DACH1: variants seen among roughly 807,000 people sequenced by gnomAD.
DACH1 encodes the protein dachshund homolog 1.
DACH1 carries 12 observed loss-of-function variants against 54.2 expected under a neutral mutation model. That is an observed-to-expected ratio of 0.22 (90% CI 0.14 to 0.36). DACH1 has a LOEUF of 0.36. DACH1 is among the 10% of genes least tolerant of loss of function. The pLI is 1.00. For missense variants in DACH1, 805 were observed against 929.8 expected (o/e 0.87, Z 1.75); for synonymous variants, 386 against 366.2 (o/e 1.05, Z -0.62).
At chr13:71,841,427 A>G (rs933929432) in intron 1 of DACH1, among the ~76,000 whole-genome samples, 2 of 152,164 alleles carry the variant, frequency 1.3e-5, no homozygotes, top group African/African-American at 2.4e-5. Context: ...TAAGGAATAA[A>G]TTCCTTATTT....
chr13:71,442,795 GATA>G (rs1002963616), intron 10 of DACH1, among the ~76,000 whole-genome samples: 2 of 151,844 alleles, frequency 1.3e-5, no homozygotes, highest in Non-Finnish European at 2.9e-5. Context: ...TAGCTACATG[GATA>G]ATAATAGAAC....
At chr13:71,613,949 A>T (rs901833851) in intron 3 of DACH1, among the ~76,000 whole-genome samples, 4 of 152,090 alleles carry the variant, frequency 2.6e-5, no homozygotes, top group Non-Finnish European at 5.9e-5. Context: ...GGCTTCCAAA[A>T]AGTACCGGGA....
At chr13:71,572,053 T>G (rs1481363208) in intron 4 of DACH1, among the ~76,000 whole-genome samples, 1 of 152,148 alleles carries the variant, frequency 6.6e-6, no homozygotes, top group Non-Finnish European at 1.5e-5. Context: ...AAAAATGGGA[T>G]AATTGTAATG....
intron 1 of DACH1, among the ~76,000 whole-genome samples, chr13:71,748,894 CTTTCTCTTTCTTTCTTTCTTTCTT>C (rs1308731931): frequency 3.9e-4 from 34 of 86,674 alleles, no homozygotes; most frequent in African/African-American, 1.7e-3. Context: ...TTCTTTCTTT[CTTTCTCTTTCTTTCTTTCTTTCTT>C]TCTTTCTTTC....
At chr13:71,794,797 G>C (rs1267520363) in intron 1 of DACH1, among the ~76,000 whole-genome samples, 1 of 152,084 alleles carries the variant, frequency 6.6e-6, no homozygotes, top group Non-Finnish European at 1.5e-5. Flanking sequence ...TTTAACCCTC[G>C]AATTGACATT....
intron 1 of DACH1, among the ~76,000 whole-genome samples, chr13:71,684,374 C>T (rs569592140): frequency 7.9e-5 from 12 of 152,122 alleles, no homozygotes; most frequent in Non-Finnish European, 1.2e-4. Context: ...TGGTCCCTGA[C>T]GGCTTTTCCA....
chr13:71,668,800 C>T (rs557826045), intron 2 of DACH1, among the ~76,000 whole-genome samples: 25 of 152,074 alleles, frequency 1.6e-4, no homozygotes, highest in Middle Eastern at 3.4e-3. Context: ...TGATGGGCGC[C>T]TGTAATCCCA....
chr13:71,864,738 C>T (rs911936823), intron 1 of DACH1, among the ~76,000 whole-genome samples: 1 of 148,908 alleles, frequency 6.7e-6, no homozygotes, highest in Non-Finnish European at 1.5e-5. Flanking sequence ...TGACAAGTTG[C>T]CCCACTCCCG....
At chr13:71,514,809 C>T (rs1472779595) in intron 6 of DACH1, among the ~76,000 whole-genome samples, 1 of 151,840 alleles carries the variant, frequency 6.6e-6, no homozygotes, top group African/African-American at 2.4e-5. Flanking sequence ...TGCAGCCCAC[C>T]ACACTTAGGG....
At chr13:71,583,099 T>G (rs1872963780) in intron 3 of DACH1, among the ~76,000 whole-genome samples, 1 of 152,174 alleles carries the variant, frequency 6.6e-6, no homozygotes, top group Admixed American at 6.5e-5. Flanking sequence ...AAAGTAAAAT[T>G]TAAACATTTT....
chr13:71,861,637 T>G (rs1874360791), intron 1 of DACH1, among the ~76,000 whole-genome samples: 1 of 152,018 alleles, frequency 6.6e-6, no homozygotes. Flanking sequence ...CTATTCTTTT[T>G]GAAATGATAT....
intron 6 of DACH1, among the ~76,000 whole-genome samples, chr13:71,522,791 G>A (rs556727872): frequency 1.3e-5 from 2 of 152,140 alleles, no homozygotes; most frequent in South Asian, 2.1e-4. Context: ...ATGTTTCTGG[G>A]ACTTCCTTCT....
intron 6 of DACH1, among the ~76,000 whole-genome samples, chr13:71,505,526 G>A (rs1163472916): frequency 3.9e-5 from 6 of 151,952 alleles, no homozygotes; most frequent in Non-Finnish European, 2.9e-5. Context: ...ATACCTAAAT[G>A]ATTGCACACC....
chr13:71,678,846 G>A (rs988417324), intron 2 of DACH1, among the ~76,000 whole-genome samples: 15 of 152,032 alleles, frequency 9.9e-5, no homozygotes, highest in Non-Finnish European at 2.1e-4. Context: ...TTTTGGTAGA[G>A]ACTAAACCTT....
intron 6 of DACH1, among the ~76,000 whole-genome samples, chr13:71,555,947 T>C (rs1256260709): frequency 6.6e-6 from 1 of 152,306 alleles, no homozygotes; most frequent in East Asian, 1.9e-4. Flanking sequence ...ATTATTGTTT[T>C]CTCTCTGACA....
intron 6 of DACH1, among the ~76,000 whole-genome samples, chr13:71,494,035 C>T (rs1426063084): frequency 6.6e-6 from 1 of 152,050 alleles, no homozygotes; most frequent in Admixed American, 6.6e-5. Context: ...CTCCCAATAC[C>T]TTTGATGGCA....
intron 1 of DACH1, among the ~76,000 whole-genome samples, chr13:71,728,251 G>A (rs1883564654): frequency 6.6e-6 from 1 of 151,806 alleles, no homozygotes; most frequent in African/African-American, 2.4e-5. Context: ...GTAACATGAG[G>A]GATTTTATTT....
chr13:71,537,135 G>C (rs1882857846), intron 6 of DACH1, among the ~76,000 whole-genome samples: 1 of 151,962 alleles, frequency 6.6e-6, no homozygotes, highest in African/African-American at 2.4e-5. Flanking sequence ...TAATCTTTAT[G>C]CTCTGGCCAA....
intron 1 of DACH1, among the ~76,000 whole-genome samples, chr13:71,817,815 T>C (rs1338217570): frequency 4.0e-3 from 59 of 14,862 alleles, no homozygotes; most frequent in Non-Finnish European, 7.0e-3. Flanking sequence ...TCTTTCTTCC[T>C]TTTTTTTTTT....
Sources: gnomAD v4.1 joint callset for allele counts (sites outside exome capture counted in the v4.1 genomes callset) on GRCh38, gnomAD v4.1.1 for gene constraint, MANE v1.5 for transcripts, NCBI Gene and HGNC (gene_info 2026-07-23, HGNC 2026-07-21) for gene names.